CUX1: variants seen among roughly 807,000 people sequenced by gnomAD.
CUX1 encodes protein CASP.
CUX1 carries 31 observed loss-of-function variants against 158.8 expected under a neutral mutation model. That is an observed-to-expected ratio of 0.20 (90% CI 0.15 to 0.26). The LOEUF (loss-of-function observed/expected upper bound fraction) is 0.26. Among genes scored for constraint, CUX1 ranks in the 10% least tolerant of loss-of-function variants. The pLI is 1.00. For missense variants in CUX1, 1,589 were observed against 2,014.6 expected (o/e 0.79, Z 4.04); for synonymous variants, 879 against 862.1 (o/e 1.02, Z -0.34).
chr7:101,886,976 C>G (rs902321498), intron 1 of CUX1, among the ~76,000 whole-genome samples: 4 of 152,200 alleles, frequency 2.6e-5, no homozygotes, highest in African/African-American at 4.8e-5. Flanking sequence ...GCTGAGCCCC[C>G]ACTCTTCGCT....
chr7:102,026,340 T>G (rs1820019732), intron 2 of CUX1, among the ~76,000 whole-genome samples: 1 of 152,216 alleles, frequency 6.6e-6, no homozygotes, highest in Non-Finnish European at 1.5e-5. Context: ...TTTTCCAAAT[T>G]TATTTAACTT....
chr7:102,042,894 A>G (rs547139047), intron 3 of CUX1, among the ~76,000 whole-genome samples: 3 of 152,106 alleles, frequency 2.0e-5, no homozygotes, highest in African/African-American at 4.8e-5. Context: ...GGCTCAAGCA[A>G]TCTTCCTGCT....
chr7:101,891,360 A>G (rs1275356680), intron 1 of CUX1, among the ~76,000 whole-genome samples: 3 of 152,182 alleles, frequency 2.0e-5, no homozygotes, highest in African/African-American at 7.2e-5. Flanking sequence ...CTGGGACCAC[A>G]GGTGCTCACC....
intron 2 of CUX1, among the ~76,000 whole-genome samples, chr7:101,984,089 A>AAAAAATAT (rs1221503978): frequency 5.7e-4 from 17 of 29,800 alleles, no homozygotes; most frequent in South Asian, 2.1e-3. Flanking sequence ...AAAAAAAAAA[A>AAAAAATAT]ATATATATAT....
chr7:102,274,926 A>G (rs1185636746), intron 16 of CUX1, among the ~76,000 whole-genome samples: 1 of 152,130 alleles, frequency 6.6e-6, no homozygotes, highest in Non-Finnish European at 1.5e-5. Context: ...GACAGCTGCA[A>G]GGGTCTCAGA....
intron 1 of CUX1, among the ~76,000 whole-genome samples, chr7:101,840,950 G>A (rs1001541269): frequency 1.2e-4 from 18 of 151,834 alleles, no homozygotes; most frequent in Non-Finnish European, 2.6e-4. Flanking sequence ...CTGGAGTGCA[G>A]TGGCGCGATC....
intron 3 of CUX1, among the ~76,000 whole-genome samples, chr7:102,046,772 G>A (rs1361066551): frequency 6.6e-6 from 1 of 151,552 alleles, no homozygotes; most frequent in Non-Finnish European, 1.5e-5. Flanking sequence ...GAAGAGATGA[G>A]GGCTTGCTAC....
chr7:102,043,307 C>T (rs1303881942), intron 3 of CUX1, among the ~76,000 whole-genome samples: 1 of 146,558 alleles, frequency 6.8e-6, no homozygotes, highest in Admixed American at 7.0e-5. Flanking sequence ...AATCTGACAA[C>T]ATACCCATTA....
Position 102,256,176 on chromosome 7 carries a change from T to G in CUX1, c.*7134T>G, listed in dbSNP as rs1789874182. 1.0e-6 allele frequency: 1 copy of G among 985,368 alleles called. No individual in the cohort carries two copies. The highest frequency in any genetic ancestry group is 1.2e-6 in the Non-Finnish European group (1 of 829,970). 61.0% of individuals were successfully genotyped at this position (985,368 alleles called of 1,614,324 possible). A position where few individuals can be genotyped will look rare whatever the true frequency, so the allele number is the denominator to read the frequency against. On this transcript the variant is annotated 3_prime_UTR_variant, in exon 24 of 24. Transcript: ENST00000292535. ...AGGCAGGATAGGGAGTATCCGTGAT[T>G]CAGAAGCTGAGACCCTTCCCCAGTG...
intron 23 of CUX1, among the ~76,000 whole-genome samples, chr7:102,245,762 A>C (rs1554536648): frequency 6.6e-6 from 1 of 152,164 alleles, no homozygotes; most frequent in African/African-American, 2.4e-5. Flanking sequence ...ACCTGAGGTC[A>C]GGAGTTCAAG....
At chr7:102,259,957 T>G (rs1446685258), downstream of CUX1, among the ~76,000 whole-genome samples, 1 of 151,812 alleles carries the variant, frequency 6.6e-6, no homozygotes, top group East Asian at 1.9e-4. Flanking sequence ...TAGTTGGGCA[T>G]GGTGGCATGT....
intron 11 of CUX1, among the ~76,000 whole-genome samples, chr7:102,186,577 G>GTA (rs143666730): frequency 0.093 from 11,200 of 120,178 alleles, 519 homozygotes; most frequent in Non-Finnish European, 0.14. Context: ...AACCTAGATA[G>GTA]TATATATATA....
intron 1 of CUX1, among the ~76,000 whole-genome samples, chr7:101,899,892 A>T (rs1171194577): frequency 6.6e-6 from 1 of 152,172 alleles, no homozygotes; most frequent in African/African-American, 2.4e-5. Flanking sequence ...AGGGCACTGG[A>T]TGGGAATTCA....
chr7:101,829,189 C>G (rs966648697), intron 1 of CUX1, among the ~76,000 whole-genome samples: 1 of 152,080 alleles, frequency 6.6e-6, no homozygotes, highest in Admixed American at 6.6e-5. Flanking sequence ...TTTGTCTTGA[C>G]TTTCCCTGTT....
chr7:101,949,106 ATTGT>A (rs1467117170), intron 2 of CUX1, among the ~76,000 whole-genome samples: 9 of 152,140 alleles, frequency 5.9e-5, no homozygotes, highest in African/African-American at 1.7e-4. Context: ...TCTCCCACAG[ATTGT>A]TTGACAAACA....
Position 102,250,509 on chromosome 7 carries a change from T to G in CUX1, c.*1467T>G, listed in dbSNP as rs1801390611. 2 of 985,508 alleles carry G rather than the reference T, an allele frequency of 2.0e-6. No homozygotes were observed. Among genetic ancestry groups the G allele is most frequent in the Non-Finnish European group, 2.4e-6 (2 of 829,966 alleles). 61.0% of individuals were successfully genotyped at this position (985,508 alleles called of 1,614,324 possible). On this transcript the variant is annotated 3_prime_UTR_variant, in exon 24 of 24. Transcript: ENST00000292535. The stretch of plus-strand genomic sequence containing the variant: ...CCACCGCAAGCACTGATGACCCTGT[T>G]GAACTCGTGGGAAACTTCCTTTCTC...
In CUX1 at chr7:102,211,610, G is replaced by A. The variant is rs545747354; in HGVS notation, c.3130+6440G>A. ...AGCCTGGCCAACATGGGGAAACCCC[G>A]TCTCTAGTAAAAATACAAAAATTAG... On this transcript the variant is annotated intron_variant, in intron 20 of 23. Transcript: ENST00000292535. Among the ~76,000 whole-genome samples, 779 of 151,868 alleles carry A rather than the reference G, an allele frequency of 5.1e-3. 7 individuals carry two copies. Among genetic ancestry groups the A allele is most frequent in the African/African-American group, 0.017 (709 of 41,398 alleles).
At chr7:102,162,374 A>C (rs1295997004) in intron 9 of CUX1, among the ~76,000 whole-genome samples, 2 of 152,102 alleles carry the variant, frequency 1.3e-5, no homozygotes, top group Non-Finnish European at 2.9e-5. Flanking sequence ...CCTGGGTTCA[A>C]GTGATTCCCC....
intron 2 of CUX1, among the ~76,000 whole-genome samples, chr7:101,997,203 C>A (rs1816037367): frequency 6.6e-6 from 1 of 152,184 alleles, no homozygotes; most frequent in African/African-American, 2.4e-5. Flanking sequence ...TTCTCCCCGT[C>A]CCCAGAGTGG....
Sources: allele counts gnomAD v4.1 joint callset (sites outside exome capture counted in the v4.1 genomes callset), GRCh38; gene constraint gnomAD v4.1.1; transcripts MANE v1.5; gene names NCBI Gene and HGNC (gene_info 2026-07-23, HGNC 2026-07-21).